EYS: variants seen among roughly 807,000 people sequenced by gnomAD.
EYS encodes the protein EGF-like photoreceptor maintenance factor, also known as protein eyes shut homolog.
In EYS, 250 loss-of-function variants were observed where a neutral mutation model predicts 282.1. That is an observed-to-expected ratio of 0.89 (90% confidence interval 0.80 to 0.98). EYS has a LOEUF of 0.98. Ranked by LOEUF, EYS falls within the 50% of genes least tolerant of loss-of-function variation. The pLI, the probability that EYS is intolerant of heterozygous loss-of-function variation, is 0.00. For synonymous variants in EYS, 1,355 were observed against 1,282.9 expected, an observed-to-expected ratio of 1.06 and a Z score of -1.20; for missense variants, 4,016 against 3,709.0, an observed-to-expected ratio of 1.08 and a Z score of -2.15.
chr6:64,223,538 A>G (rs1274683418), intron 31 of EYS, among the ~76,000 whole-genome samples: 1 of 152,012 alleles, frequency 6.6e-6, no homozygotes, highest in East Asian at 1.9e-4. Context: ...ATGCTGTGGT[A>G]CATTTTCTGT....
intron 26 of EYS, among the ~76,000 whole-genome samples, chr6:64,461,995 A>G (rs1775766453): frequency 6.6e-6 from 1 of 152,166 alleles, no homozygotes; most frequent in African/African-American, 2.4e-5. Flanking sequence ...CAGATTTTAT[A>G]TTACTTATCT....
chr6:64,225,318 C>G (rs1215462475), intron 31 of EYS, among the ~76,000 whole-genome samples: 3 of 151,944 alleles, frequency 2.0e-5, no homozygotes, highest in Non-Finnish European at 2.9e-5. Flanking sequence ...TGTCCAAAGC[C>G]CAATTCCTGG....
chr6:65,705,150 C>T (rs1159132777), intron 1 of EYS, among the ~76,000 whole-genome samples: 1 of 152,140 alleles, frequency 6.6e-6, no homozygotes, highest in East Asian at 1.9e-4. Context: ...TACTATGAGC[C>T]TCTGCAAGCA....
intron 29 of EYS, among the ~76,000 whole-genome samples, chr6:64,369,061 C>A (rs1772267729): frequency 6.6e-6 from 1 of 151,962 alleles, no homozygotes; most frequent in African/African-American, 2.4e-5. Flanking sequence ...CTTTTAACCA[C>A]CTTGAGTTAA....
At chr6:65,070,023 C>T (rs1017601022) in intron 12 of EYS, among the ~76,000 whole-genome samples, 12 of 151,864 alleles carry the variant, frequency 7.9e-5, no homozygotes, top group African/African-American at 1.4e-4. Context: ...GTGATACACA[C>T]GTCCTGTAAT....
chr6:63,982,042 G>A (rs906764592), intron 35 of EYS, among the ~76,000 whole-genome samples: 11 of 151,750 alleles, frequency 7.2e-5, no homozygotes, highest in Admixed American at 7.2e-4. Flanking sequence ...ACTGAGATTG[G>A]AATTAATGTG....
At chr6:65,300,758 C>T (rs561421399) in intron 11 of EYS, 2 of 152,216 alleles carry the variant, frequency 1.3e-5, no homozygotes, top group Non-Finnish European at 2.9e-5. Context: ...AGTCTGTATT[C>T]TTTTACCTAC....
chr6:65,361,966 T>A (rs1308094270), intron 8 of EYS, among the ~76,000 whole-genome samples: 2 of 152,262 alleles, frequency 1.3e-5, no homozygotes, highest in East Asian at 3.9e-4. Context: ...CTAAAACACA[T>A]ACGAGTAACT....
intron 22 of EYS, among the ~76,000 whole-genome samples, chr6:64,641,213 C>T (rs888765665): frequency 2.0e-5 from 3 of 152,160 alleles, no homozygotes; most frequent in Non-Finnish European, 2.9e-5. Context: ...AGGAGCAAGT[C>T]CCTTCTTGCA....
intron 2 of EYS, among the ~76,000 whole-genome samples, chr6:65,520,457 C>T (rs899400364): frequency 6.6e-6 from 1 of 151,948 alleles, no homozygotes; most frequent in Non-Finnish European, 1.5e-5. Context: ...GTGCTGGACA[C>T]TAAGGAAATT....
intron 2 of EYS, among the ~76,000 whole-genome samples, chr6:65,598,361 G>T (rs1175065204): frequency 6.6e-6 from 1 of 150,970 alleles, no homozygotes. Context: ...TTTTCTAAGG[G>T]CACACACAGA....
rs114648920 is a variant in EYS at position 64,325,056 on chromosome 6, T to C, written c.6079-17974A>G. ...CCAAAGAAACTTAAAGATTTGATGTTATTCCTATCGAACTACCAAAGTCAT... is the reference window on the plus strand; with the variant it reads ...CCAAAGAAACTTAAAGATTTGATGTCATTCCTATCGAACTACCAAAGTCAT... On this transcript the variant is annotated intron_variant, in intron 29 of 42. Coordinates refer to ENST00000503581, the MANE Select transcript of EYS (RefSeq NM_001142800.2). Among the ~76,000 whole-genome samples the C allele has an allele frequency of 5.4e-3, 823 of 152,312 alleles. 12 individuals carry two copies. Among genetic ancestry groups the C allele is most frequent in the African/African-American group, 0.019 (791 of 41,574 alleles).
Position 65,236,439 on chromosome 6 carries a change from G to A in EYS, c.2023+59424C>T, listed in dbSNP as rs569699344. 4.6e-5 allele frequency among the ~76,000 whole-genome samples: 7 copies of A among 152,082 alleles called. No individual in the cohort carries two copies. In the East Asian group the frequency reaches 7.8e-4, roughly 17 times the overall value. On this transcript the variant is annotated intron_variant, in intron 12 of 42. Transcript: ENST00000503581. ...AGCCTGCCCAATATGGTGAAACCCC[G>A]TCTCTAGTGAAAATACAAAAAATTA...
At chr6:65,245,070 TTCTTTTGCTG>T (rs533864849) in intron 12 of EYS, among the ~76,000 whole-genome samples, 268 of 152,290 alleles carry the variant, frequency 1.8e-3, no homozygotes, top group African/African-American at 6.2e-3. Flanking sequence ...TATTAGAATA[TTCTTTTGCTG>T]TCATTTTGAA....
chr6:63,900,741 T>G (rs918102780), intron 35 of EYS, among the ~76,000 whole-genome samples: 3 of 152,186 alleles, frequency 2.0e-5, no homozygotes, highest in Non-Finnish European at 2.9e-5. Flanking sequence ...CTCTGATTTT[T>G]TTTTCTTTGC....
At chr6:65,487,015 CA>C (rs139464078) in intron 5 of EYS, among the ~76,000 whole-genome samples, 28,662 of 152,072 alleles carry the variant, frequency 0.19, 3,291 homozygotes, top group Middle Eastern at 0.3. Context: ...GATTTTTCAA[CA>C]ATGATTTTGT....
Position 65,690,804 on chromosome 6 carries a change from C to T in EYS, c.-448+16331G>A, listed in dbSNP as rs141331352. Among the ~76,000 whole-genome samples the T allele has an allele frequency of 4.5e-4, 68 of 150,010 alleles. 11 individuals are homozygous for T. The East Asian group carries it at 0.015, about 34-fold the overall frequency. On this transcript the variant is annotated intron_variant, in intron 1 of 42. Coordinates refer to ENST00000503581, the MANE Select transcript of EYS (RefSeq NM_001142800.2). ...GTGTCCATGTGTTCTCATTGTTCAG[C>T]TCTCACTTATGAGTGAGAACATGTG...
chr6:64,526,980 C>G (rs188553934), intron 26 of EYS, among the ~76,000 whole-genome samples: 6 of 151,758 alleles, frequency 4.0e-5, no homozygotes, highest in African/African-American at 1.4e-4. Context: ...AAACAGAGCA[C>G]AGAGAGCAGA....
intron 14 of EYS, among the ~76,000 whole-genome samples, chr6:64,971,634 T>TA (rs1770297247): frequency 6.6e-6 from 1 of 152,152 alleles, no homozygotes; most frequent in Non-Finnish European, 1.5e-5. Flanking sequence ...GACATGCCCC[T>TA]AGCCACTGAC....
Sources: allele counts gnomAD v4.1 joint callset (sites outside exome capture counted in the v4.1 genomes callset), GRCh38; gene constraint gnomAD v4.1.1; transcripts MANE v1.5; gene names NCBI Gene and HGNC (gene_info 2026-07-23, HGNC 2026-07-21).